LRP1B: variants seen among roughly 807,000 people sequenced by gnomAD.
LRP1B encodes the protein low-density lipoprotein receptor-related protein 1B.
Under a neutral mutation model 556.6 loss-of-function variants are expected in LRP1B, and 217 were observed. The observed-to-expected ratio is 0.39, with a 90% confidence interval of 0.35 to 0.44. LRP1B has a LOEUF of 0.44. LRP1B is among the 20% of genes least tolerant of loss of function. The pLI is 1.00. For synonymous variants in LRP1B, 2,047 were observed against 1,865.8 expected, an observed-to-expected ratio of 1.10 and a Z score of -2.50; for missense variants, 5,053 against 5,620.8, an observed-to-expected ratio of 0.90 and a Z score of 3.23.
At chr2:141,848,398 A>T (rs1441214656) in intron 1 of LRP1B, among the ~76,000 whole-genome samples, 1 of 151,448 alleles carries the variant, frequency 6.6e-6, no homozygotes, top group East Asian at 1.9e-4. Context: ...CCATCTGGGC[A>T]TGCTATATAT....
chr2:141,626,231 A>G (rs925946707), intron 2 of LRP1B, among the ~76,000 whole-genome samples: 1 of 152,218 alleles, frequency 6.6e-6, no homozygotes, highest in Admixed American at 6.5e-5. Flanking sequence ...TTTTTCAACA[A>G]CTGATGCTGG....
intron 14 of LRP1B, among the ~76,000 whole-genome samples, chr2:141,006,591 C>T (rs1420459500): frequency 2.6e-5 from 4 of 151,890 alleles, no homozygotes; most frequent in African/African-American, 7.2e-5. Flanking sequence ...TTACACAAAC[C>T]GAGATAGTAG....
intron 2 of LRP1B, among the ~76,000 whole-genome samples, chr2:141,682,549 AAACTTTCCCTC>A (rs1480286427): frequency 6.6e-6 from 1 of 152,152 alleles, no homozygotes; most frequent in Non-Finnish European, 1.5e-5. Context: ...AAAAAGTGGA[AAACTTTCCCTC>A]AACTTTCATA....
chr2:140,485,837 T>TCACG (rs1476461879), intron 58 of LRP1B, among the ~76,000 whole-genome samples: 3 of 100,036 alleles, frequency 3.0e-5, no homozygotes, highest in African/African-American at 1.1e-4. Flanking sequence ...GACAAAATTC[T>TCACG]CACGCACATA....
chr2:141,079,372 A>G (rs1281564627), intron 7 of LRP1B, among the ~76,000 whole-genome samples: 1 of 152,212 alleles, frequency 6.6e-6, no homozygotes, highest in Non-Finnish European at 1.5e-5. Context: ...CTGTAGGCAG[A>G]GCTCTAATGT....
intron 1 of LRP1B, among the ~76,000 whole-genome samples, chr2:142,031,016 GTTC>G (rs1256526085): frequency 2.0e-5 from 3 of 151,968 alleles, no homozygotes; most frequent in Admixed American, 2.0e-4. Flanking sequence ...ATACTTTCAA[GTTC>G]TTCATGTTAT....
At chr2:141,202,136 G>A (rs1447467879) in intron 6 of LRP1B, among the ~76,000 whole-genome samples, 1 of 152,132 alleles carries the variant, frequency 6.6e-6, no homozygotes, top group East Asian at 1.9e-4. Flanking sequence ...ACAGGCCTCA[G>A]TGTGTTGTTG....
intron 3 of LRP1B, among the ~76,000 whole-genome samples, chr2:141,295,884 G>A (rs2679451): frequency 0.12 from 18,935 of 151,828 alleles, 1,240 homozygotes; most frequent in South Asian, 0.22. Flanking sequence ...CTTTCCAGCA[G>A]CATCTTAATG....
intron 60 of LRP1B, among the ~76,000 whole-genome samples, chr2:140,472,158 C>T (rs1687797803): frequency 6.6e-6 from 1 of 152,124 alleles, no homozygotes; most frequent in Non-Finnish European, 1.5e-5. Flanking sequence ...ACTCATTCAT[C>T]TTTACAACAC....
At chr2:141,800,394 G>A (rs1402439323) in intron 2 of LRP1B, among the ~76,000 whole-genome samples, 1 of 152,186 alleles carries the variant, frequency 6.6e-6, no homozygotes, top group Non-Finnish European at 1.5e-5. Flanking sequence ...CCCTGTAAAA[G>A]GGGACCATGA....
At chr2:140,510,089 A>T (rs1689590072) in intron 51 of LRP1B, 33 bp from the exon 52 acceptor site, 3 of 1,607,196 alleles carry the variant, frequency 1.9e-6, no homozygotes, top group Non-Finnish European at 2.5e-6. Context: ...CATTAAGATT[A>T]CTCTGTGTCC....
At chr2:141,008,443 A>C (rs1323848473) in intron 14 of LRP1B, among the ~76,000 whole-genome samples, 1 of 151,202 alleles carries the variant, frequency 6.6e-6, no homozygotes, top group Non-Finnish European at 1.5e-5. Context: ...ATAATTAGAA[A>C]TAAGATTTTC....
At chr2:141,399,688 C>T (rs1487979024) in intron 3 of LRP1B, among the ~76,000 whole-genome samples, 1 of 152,184 alleles carries the variant, frequency 6.6e-6, no homozygotes, top group Non-Finnish European at 1.5e-5. Context: ...AAGACGTTCT[C>T]ATTGAACCCC....
At chr2:141,461,951 T>C (rs966012254) in intron 3 of LRP1B, among the ~76,000 whole-genome samples, 1 of 152,210 alleles carries the variant, frequency 6.6e-6, no homozygotes, top group African/African-American at 2.4e-5. Flanking sequence ...CTAGGCCAGA[T>C]TAATCCCTGC....
intron 41 of LRP1B, among the ~76,000 whole-genome samples, chr2:140,644,195 G>A (rs942804777): frequency 2.6e-5 from 4 of 152,094 alleles, no homozygotes; most frequent in African/African-American, 4.8e-5. Flanking sequence ...GGGTCCTGCT[G>A]TACACACTTG....
At chr2:140,923,313 T>C (rs927241656) in intron 20 of LRP1B, among the ~76,000 whole-genome samples, 166 bp from the exon 21 acceptor site, 2 of 152,112 alleles carry the variant, frequency 1.3e-5, no homozygotes, top group African/African-American at 4.8e-5. Context: ...AGTATAAATA[T>C]ACTCTAGTAT....
At chr2:141,104,781 T>A (rs547203759) in intron 7 of LRP1B, among the ~76,000 whole-genome samples, 101 of 152,028 alleles carry the variant, frequency 6.6e-4, no homozygotes, top group Non-Finnish European at 1.3e-3. Flanking sequence ...GTACTCCAGA[T>A]TTGATATATT....
chr2:140,313,541 CTAAATA>C (rs1259560835), intron 83 of LRP1B, among the ~76,000 whole-genome samples: 1 of 150,022 alleles, frequency 6.7e-6, no homozygotes. Context: ...CTAAATATTT[CTAAATA>C]TAAATATAGA....
intron 25 of LRP1B, among the ~76,000 whole-genome samples, chr2:140,872,089 T>A (rs1029965348): frequency 7.9e-5 from 12 of 151,090 alleles, no homozygotes; most frequent in Admixed American, 6.6e-4. Context: ...TGTATTTTTT[T>A]TTTTTTTTTG....
Sources: gnomAD v4.1 joint callset for allele counts (sites outside exome capture counted in the v4.1 genomes callset) on GRCh38, gnomAD v4.1.1 for gene constraint, MANE v1.5 for transcripts, NCBI Gene and HGNC (gene_info 2026-07-23, HGNC 2026-07-21) for gene names.